GPR176: variants seen among roughly 807,000 people sequenced by gnomAD.
GPR176 encodes G-protein coupled receptor 176.
GPR176 carries 26 observed loss-of-function variants against 35.4 expected under a neutral mutation model. That is an observed-to-expected ratio of 0.74 (90% CI 0.54 to 1.02). The LOEUF (loss-of-function observed/expected upper bound fraction) is 1.02, where lower values mean the gene tolerates loss of function less well. GPR176 is among the 50% of genes least tolerant of loss of function. GPR176 has a pLI of 0.00. For synonymous variants in GPR176, 278 were observed against 271.3 expected (o/e 1.02, Z -0.24); for missense variants, 597 against 665.3 (o/e 0.90, Z 1.13).
chr15:39,910,799 A>T (rs1326699743), intron 1 of GPR176, among the ~76,000 whole-genome samples: 1 of 152,170 alleles, frequency 6.6e-6, no homozygotes, highest in East Asian at 1.9e-4. Context: ...GCACTTTGGG[A>T]GGCCAAGGCA....
At position 39,829,357 on chromosome 15, in the gene GPR176, G is replaced by A. The variant is rs1268028907; in HGVS notation, c.173-22099C>T. On this transcript the variant is annotated intron_variant, in intron 1 of 2. Transcript: ENST00000561100. ...AAAGTTCCATGGGGGCAATGTGTGC[G>A]CAGGACACAAGGAGCTCACAATGCT... The A allele has an allele frequency of 2.2e-5, 29 of 1,316,742 alleles. 1 individual carries two copies. The highest frequency in any genetic ancestry group is 1.0e-4 in the African/African-American group (7 of 66,686). 81.6% of individuals were successfully genotyped at this position (1,316,742 alleles called of 1,614,324 possible).
intron 1 of GPR176, among the ~76,000 whole-genome samples, chr15:39,896,874 AAG>A (rs923290454): frequency 1.6e-4 from 24 of 152,228 alleles, no homozygotes; most frequent in African/African-American, 5.8e-4. Context: ...TGTCTCTATA[AAG>A]AGAGAGAGAG....
At chr15:39,916,731 T>C (rs1265708979) in intron 1 of GPR176, among the ~76,000 whole-genome samples, 1 of 152,250 alleles carries the variant, frequency 6.6e-6, no homozygotes, top group Non-Finnish European at 1.5e-5. Context: ...ACTTAATCAG[T>C]TATTTTTTCC....
intron 1 of GPR176, among the ~76,000 whole-genome samples, chr15:39,894,220 G>A (rs550692677): frequency 5.1e-4 from 66 of 128,714 alleles, no homozygotes; most frequent in African/African-American, 1.6e-3. Flanking sequence ...GGGCAGAGGC[G>A]CCCCTCACCT....
chr15:39,911,762 A>G (rs1297204635), intron 1 of GPR176, among the ~76,000 whole-genome samples: 21 of 152,228 alleles, frequency 1.4e-4, no homozygotes, highest in Admixed American at 1.4e-3. Context: ...TTTTATTTAT[A>G]CTTAGTTTCC....
At chr15:39,897,654 C>G (rs539443993) in intron 1 of GPR176, among the ~76,000 whole-genome samples, 4 of 131,204 alleles carry the variant, frequency 3.0e-5, no homozygotes. Flanking sequence ...TCGCCCAGGC[C>G]GGACTGCGGA....
intron 1 of GPR176, among the ~76,000 whole-genome samples, chr15:39,847,561 TG>T (rs1317106037): frequency 6.6e-6 from 1 of 151,848 alleles, no homozygotes; most frequent in African/African-American, 2.4e-5. Flanking sequence ...CTGGCTAACA[TG>T]GTGAAACCCC....
intron 1 of GPR176, among the ~76,000 whole-genome samples, chr15:39,918,960 A>G (rs547401811): frequency 4.6e-5 from 7 of 152,344 alleles, no homozygotes; most frequent in Admixed American, 2.6e-4. Flanking sequence ...TATAAACGCC[A>G]TATCGGGGAC....
At chr15:39,845,429 T>C in intron 1 of GPR176, among the ~76,000 whole-genome samples, 1 of 151,188 alleles carries the variant, frequency 6.6e-6, no homozygotes. Context: ...TTTCAGGTAG[T>C]GATAAGAAGA....
chr15:39,884,258 C>T (rs183652374), intron 1 of GPR176, among the ~76,000 whole-genome samples: 25 of 152,320 alleles, frequency 1.6e-4, no homozygotes, highest in South Asian at 2.1e-4. Context: ...CACTGCCTTA[C>T]GTGGACCAAT....
intron 1 of GPR176, among the ~76,000 whole-genome samples, chr15:39,893,084 T>A (rs887601146): frequency 1.3e-5 from 2 of 150,056 alleles, no homozygotes; most frequent in African/African-American, 2.5e-5. Context: ...AGAATATTGA[T>A]CTCTAACTCT....
At chr15:39,867,524 AG>A (rs1338229625) in intron 1 of GPR176, among the ~76,000 whole-genome samples, 1 of 152,148 alleles carries the variant, frequency 6.6e-6, no homozygotes, top group African/African-American at 2.4e-5. Flanking sequence ...AACGCCTCAA[AG>A]GCCCCAGGGT....
At chr15:39,860,897 T>G (rs2031547180) in intron 1 of GPR176, 1 of 152,240 alleles carries the variant, frequency 6.6e-6, no homozygotes, top group African/African-American at 2.4e-5. Flanking sequence ...TGGCTCCATT[T>G]GGGAAGGTGG....
At chr15:39,883,380 TA>T (rs199659777) in intron 1 of GPR176, among the ~76,000 whole-genome samples, 39 of 151,152 alleles carry the variant, frequency 2.6e-4, no homozygotes, top group African/African-American at 6.8e-4. Flanking sequence ...GCATGCTTTT[TA>T]AAAAAAAACA....
At chr15:39,900,939 C>T (rs1334104196) in intron 1 of GPR176, among the ~76,000 whole-genome samples, 1 of 152,230 alleles carries the variant, frequency 6.6e-6, no homozygotes, top group African/African-American at 2.4e-5. Context: ...ATTCCAGCTG[C>T]TCCTCCACAG....
At chr15:39,822,878 A>T (rs1321253926) in intron 1 of GPR176, among the ~76,000 whole-genome samples, 1 of 152,242 alleles carries the variant, frequency 6.6e-6, no homozygotes, top group Non-Finnish European at 1.5e-5. Flanking sequence ...GTCAAGGCAC[A>T]TCAGTCACTA....
At chr15:39,861,495 G>A (rs993507118) in intron 1 of GPR176, among the ~76,000 whole-genome samples, 59 of 151,472 alleles carry the variant, frequency 3.9e-4, no homozygotes, top group South Asian at 4.2e-4. Context: ...GTTGCAGTGC[G>A]CCAAGATCAT....
At chr15:39,914,176 G>A (rs1008257718) in intron 1 of GPR176, among the ~76,000 whole-genome samples, 1 of 151,962 alleles carries the variant, frequency 6.6e-6, no homozygotes, top group Non-Finnish European at 1.5e-5. Flanking sequence ...TAATTTCCAG[G>A]AAGAATTCTA....
At chr15:39,906,140 A>G (rs2033415761) in intron 1 of GPR176, among the ~76,000 whole-genome samples, 1 of 152,276 alleles carries the variant, frequency 6.6e-6, no homozygotes, top group Non-Finnish European at 1.5e-5. Context: ...AAACTGATAC[A>G]CATTCTATCA....
Sources: allele counts gnomAD v4.1 joint callset (sites outside exome capture counted in the v4.1 genomes callset), GRCh38; gene constraint gnomAD v4.1.1; transcripts MANE v1.5; gene names NCBI Gene and HGNC (gene_info 2026-07-23, HGNC 2026-07-21).